The following CEP112 variants were observed in gnomAD, a reference collection of about 807,000 sequenced individuals.
The protein encoded by CEP112 is centrosomal protein of 112 kDa.
Under a neutral mutation model 153.0 loss-of-function variants are expected in CEP112, and 127 were observed. That is an observed-to-expected ratio of 0.83 (90% confidence interval 0.72 to 0.96). The LOEUF is 0.96. CEP112 is among the 40% of genes least tolerant of loss of function. The pLI is 0.00. For synonymous variants in CEP112, 358 were observed against 374.4 expected, an observed-to-expected ratio of 0.96 and a Z score of 0.51; for missense variants, 1,089 against 1,101.2, an observed-to-expected ratio of 0.99 and a Z score of 0.16.
chr17:65,740,389 A>G (rs547438262), intron 23 of CEP112, among the ~76,000 whole-genome samples: 3 of 152,340 alleles, frequency 2.0e-5, no homozygotes, highest in Non-Finnish European at 2.9e-5. Context: ...CTTTGGGCAA[A>G]TTCTGAAAAT....
intron 24 of CEP112, among the ~76,000 whole-genome samples, chr17:65,645,030 A>G (rs1302576227): frequency 2.0e-5 from 3 of 152,006 alleles, no homozygotes; most frequent in Admixed American, 2.0e-4. Flanking sequence ...TTCCTGAGAC[A>G]TTGTGTGCCC....
Position 66,099,992 on chromosome 17 carries a change from G to A in CEP112, c.643-3360C>T, listed in dbSNP as rs144978698. 4.3e-3 allele frequency among the ~76,000 whole-genome samples: 649 copies of A among 151,468 alleles called. 6 individuals carry two copies. The highest frequency in any genetic ancestry group is 0.015 in the African/African-American group (623 of 41,224). ...AAATATAACTTTTAAATAACTTCAG[G>A]CATAAAAATACTACAAATCAAAATA... is the stretch of plus-strand genomic sequence containing the variant. On this transcript the variant is annotated intron_variant, in intron 6 of 26. Coordinates refer to ENST00000535342, the MANE Select transcript of CEP112 (RefSeq NM_001199165.4).
chr17:65,664,000 C>T (rs1195592224), intron 24 of CEP112, among the ~76,000 whole-genome samples: 2 of 152,096 alleles, frequency 1.3e-5, no homozygotes, highest in Non-Finnish European at 2.9e-5. Context: ...GAGCCGAGAT[C>T]GTGCTACTGC....
At chr17:65,654,878 A>ATTAATT in intron 24 of CEP112, 1 of 501,778 alleles carries the variant, frequency 2.0e-6, no homozygotes, top group South Asian at 1.6e-5. Flanking sequence ...TGAGGTTGTC[A>ATTAATT]CTGGGGTCGT....
intron 8 of CEP112, among the ~76,000 whole-genome samples, chr17:66,083,789 T>C (rs2067814120): frequency 6.6e-6 from 1 of 152,136 alleles, no homozygotes. Flanking sequence ...AGGCAGAGGT[T>C]GCAGTGAGCC....
At chr17:65,975,784 G>T (rs1036895) in intron 17 of CEP112, among the ~76,000 whole-genome samples, 79,134 of 152,026 alleles carry the variant, frequency 0.52, 21,602 homozygotes, top group African/African-American at 0.6. Flanking sequence ...CACTCAGGAG[G>T]AGTCCTAATT....
At chr17:66,081,595 T>G (rs2067719331) in intron 8 of CEP112, among the ~76,000 whole-genome samples, 1 of 148,312 alleles carries the variant, frequency 6.7e-6, no homozygotes, top group African/African-American at 2.5e-5. Context: ...ATTATATATT[T>G]GACTAGCAGA....
chr17:65,865,679 G>T (rs574350324), intron 20 of CEP112, among the ~76,000 whole-genome samples: 38 of 152,340 alleles, frequency 2.5e-4, no homozygotes, highest in Middle Eastern at 6.8e-3. Context: ...CATCAGGTTT[G>T]CTTGGGCAGG....
rs567706942 is a variant in CEP112, at chr17:65,707,287, GA to G, written c.2608-18070del. On this transcript the variant is annotated intron_variant, in intron 23 of 26. Transcript: ENST00000535342. ...TAGAAAATTATAAGTCTTTGACAAA[GA>G]AAAACCTTAAAAACATGCATAACCT... 2.6e-3 allele frequency among the ~76,000 whole-genome samples: 396 copies of G among 152,140 alleles called. 1 individual carries two copies. Among genetic ancestry groups the G allele is most frequent in the Non-Finnish European group, 4.6e-3 (315 of 67,980 alleles).
chr17:65,872,207 A>C (rs2058688344), intron 20 of CEP112, among the ~76,000 whole-genome samples: 2 of 151,982 alleles, frequency 1.3e-5, no homozygotes, highest in South Asian at 4.1e-4. Context: ...TTATATTAAC[A>C]TTTTTGGGTT....
chr17:65,664,939 G>C (rs1312439126), intron 24 of CEP112, among the ~76,000 whole-genome samples: 2 of 152,214 alleles, frequency 1.3e-5, no homozygotes, highest in Non-Finnish European at 2.9e-5. Context: ...CTCCTGACTT[G>C]CAGATGGCTG....
intron 17 of CEP112, among the ~76,000 whole-genome samples, chr17:65,987,988 G>T (rs1052287203): frequency 6.6e-6 from 1 of 152,150 alleles, no homozygotes. Flanking sequence ...AGGGAGAGGT[G>T]AGTCTATCAT....
chr17:65,652,581 G>A (rs2045839880), intron 24 of CEP112, among the ~76,000 whole-genome samples: 1 of 151,552 alleles, frequency 6.6e-6, no homozygotes, highest in Non-Finnish European at 1.5e-5. Context: ...CTAATTATTT[G>A]CAACATTAGA....
intron 22 of CEP112, among the ~76,000 whole-genome samples, chr17:65,744,229 T>G (rs2051303870): frequency 6.8e-6 from 1 of 146,100 alleles, no homozygotes; most frequent in African/African-American, 2.6e-5. Context: ...TGGGTTTTTT[T>G]GTGTTTTTTG....
chr17:66,085,779 C>T (rs1054679140), intron 8 of CEP112, among the ~76,000 whole-genome samples: 1 of 151,988 alleles, frequency 6.6e-6, no homozygotes, highest in Non-Finnish European at 1.5e-5. Flanking sequence ...GAGTTTGAGA[C>T]CAGCCTGACC....
chr17:65,946,155 T>C (rs1403670007), intron 18 of CEP112, among the ~76,000 whole-genome samples: 1 of 152,256 alleles, frequency 6.6e-6, no homozygotes, highest in East Asian at 1.9e-4. Context: ...TACTGGTCTC[T>C]TTTGATGAAT....
chr17:65,799,682 A>G (rs192290962), intron 21 of CEP112, among the ~76,000 whole-genome samples: 49 of 152,356 alleles, frequency 3.2e-4, no homozygotes, highest in African/African-American at 1.1e-3. Flanking sequence ...AAAAGGGGCT[A>G]TCTCAGCCTT....
At chr17:66,178,365 T>C (rs765273050) in intron 2 of CEP112, among the ~76,000 whole-genome samples, 1 of 152,248 alleles carries the variant, frequency 6.6e-6, no homozygotes, top group Non-Finnish European at 1.5e-5. Flanking sequence ...ATGTCTTCTA[T>C]TGAGAAATGT....
At chr17:65,834,176 C>T (rs2057207806) in intron 21 of CEP112, among the ~76,000 whole-genome samples, 1 of 152,046 alleles carries the variant, frequency 6.6e-6, no homozygotes, top group Admixed American at 6.5e-5. Flanking sequence ...GAATCCCTTC[C>T]TTAAAATAAA....
Sources: gnomAD v4.1 joint callset for allele counts (sites outside exome capture counted in the v4.1 genomes callset) on GRCh38, gnomAD v4.1.1 for gene constraint, MANE v1.5 for transcripts, NCBI Gene and HGNC (gene_info 2026-07-23, HGNC 2026-07-21) for gene names.